VPS13A: variants seen among roughly 807,000 people sequenced by gnomAD.
VPS13A encodes the protein vacuolar protein sorting 13 homolog A.
Under a neutral mutation model 390.9 loss-of-function variants are expected in VPS13A, and 264 were observed. That is an observed-to-expected ratio of 0.68 (90% CI 0.61 to 0.75). The LOEUF (loss-of-function observed/expected upper bound fraction) is 0.75. Among genes scored for constraint, VPS13A ranks in the 30% least tolerant of loss-of-function variants. The pLI is 0.00. For missense variants in VPS13A, 3,409 were observed against 3,733.9 expected (o/e 0.91, Z 2.27); for synonymous variants, 1,231 against 1,227.1 (o/e 1.00, Z -0.07).
rs113876104 is a variant in VPS13A at position 77,271,253 on chromosome 9, A to C, written c.2428-2027A>C. Among the ~76,000 whole-genome samples, 1,202 of 152,332 alleles carry C rather than the reference A, an allele frequency of 7.9e-3. 18 individuals carry two copies. Among genetic ancestry groups the C allele is most frequent in the African/African-American group, 0.027 (1,129 of 41,574 alleles). ...AAATGCAAATCAAAGCCACATAGAAATACTACTACACAATGGTTAGAATGG... is the reference window on the plus strand; with the variant it reads ...AAATGCAAATCAAAGCCACATAGAACTACTACTACACAATGGTTAGAATGG... On this transcript the variant is annotated intron_variant, in intron 23 of 71. Transcript: ENST00000360280.
chr9:77,358,860 A>G (rs1661933001), intron 57 of VPS13A, among the ~76,000 whole-genome samples: 1 of 152,010 alleles, frequency 6.6e-6, no homozygotes, highest in South Asian at 2.1e-4. Flanking sequence ...TGTTTCCTGC[A>G]TATCCCTCTT....
chr9:77,209,415 A>G lies in VPS13A; in HGVS notation c.386-8A>G, dbSNP rs770154538. On this transcript the variant is annotated splice_region_variant and splice_polypyrimidine_tract_variant and intron_variant, in intron 5 of 71. Coordinates refer to ENST00000360280, the MANE Select transcript of VPS13A (RefSeq NM_033305.3). Reference sequence around the variant, plus strand: ...TCAATTTTAAAAAAGGAATATTTGCAATTGTAGAACAACATCTGCCGGAAA... The same window carrying G: ...TCAATTTTAAAAAAGGAATATTTGCGATTGTAGAACAACATCTGCCGGAAA... 1.3e-6 allele frequency: 2 copies of G among 1,586,606 alleles called. No homozygotes were observed. Among genetic ancestry groups the G allele is most frequent in the Non-Finnish European group, 1.7e-6 (2 of 1,156,020 alleles).
chr9:77,326,936 C>G (rs143991331), intron 45 of VPS13A, among the ~76,000 whole-genome samples: 1 of 152,132 alleles, frequency 6.6e-6, no homozygotes, highest in Non-Finnish European at 1.5e-5. Context: ...TCTGTCCGTA[C>G]AGCTCTTGCC....
rs182085600 is a variant in VPS13A at position 77,403,151 on chromosome 9, G to A, written c.9190-85G>A. On this transcript the variant is annotated intron_variant, in intron 68 of 71. Coordinates refer to ENST00000360280, the MANE Select transcript of VPS13A (RefSeq NM_033305.3). ...TAATGGTTTGCCCCATTGAGAAATG[G>A]TTTTTAGAGGACTATAAGGCATTGT... 8.7e-6 allele frequency: 8 copies of A among 921,408 alleles called. No individual in the cohort carries two copies. The Admixed American group carries it at 1.5e-4, about 18-fold the overall frequency. The allele number at this position is 921,408 out of a possible 1,614,324, so 57.1% of individuals were successfully genotyped here. A position where few individuals can be genotyped will look rare whatever the true frequency, so the allele number is the denominator to read the frequency against.
intron 33 of VPS13A, among the ~76,000 whole-genome samples, chr9:77,299,923 G>C (rs1828245874): frequency 6.6e-6 from 1 of 152,068 alleles, no homozygotes; most frequent in Admixed American, 6.5e-5. Context: ...AGCGGGGCCT[G>C]TTGGGGTGGG....
chr9:77,353,474 A>G lies in VPS13A; in HGVS notation c.7485A>G (p.Leu2495=), dbSNP rs761283073. 43 of 1,611,610 alleles carry G rather than the reference A, an allele frequency of 2.7e-5. No individual in the cohort carries two copies. The South Asian group carries it at 4.4e-4, about 16-fold the overall frequency. Residue 2495 remains leucine (L), a synonymous_variant, in exon 54 of 72, where the codon TTA becomes TTG. Transcript: ENST00000360280. The part of the protein sequence containing the change: ...TIYLVSFFEG[L]QRIILFTEDP... ...ATTTAGTTTCATTCTTTGAAGGTTT[A>G]CAACGCATTATTTTATTCACTGAAG...
chr9:77,192,562 C>G (rs1429654301), intron 1 of VPS13A, among the ~76,000 whole-genome samples: 1 of 152,070 alleles, frequency 6.6e-6, no homozygotes, highest in East Asian at 1.9e-4. Flanking sequence ...TTAGCATTTA[C>G]TTGTCTGAAA....
intron 26 of VPS13A, chr9:77,279,877 TA>T (rs1826911012): frequency 4.4e-6 from 1 of 227,016 alleles, no homozygotes; most frequent in East Asian, 1.1e-4. Flanking sequence ...AGTTTCTCTT[TA>T]GTTGATTCCT....
chr9:77,402,321 T>C (rs1023538908), intron 68 of VPS13A, among the ~76,000 whole-genome samples: 15 of 152,352 alleles, frequency 9.8e-5, no homozygotes, highest in Admixed American at 9.2e-4. Flanking sequence ...ATGAAGTCAC[T>C]TCTTAGCTTT....
At chr9:77,223,333 A>G (rs1025393361) in intron 13 of VPS13A, among the ~76,000 whole-genome samples, 1 of 152,148 alleles carries the variant, frequency 6.6e-6, no homozygotes, top group Non-Finnish European at 1.5e-5. Flanking sequence ...AATATAAGGA[A>G]GAATCATACG....
chr9:77,345,490 TA>T (rs1390568434), intron 52 of VPS13A, among the ~76,000 whole-genome samples: 1 of 152,192 alleles, frequency 6.6e-6, no homozygotes, highest in Non-Finnish European at 1.5e-5. Flanking sequence ...TGTAAATATG[TA>T]AAATTTCAGA....
At position 77,293,524 on chromosome 9, in the gene VPS13A, AATT is replaced by A. The variant is rs1233287633; in HGVS notation, c.3507+23_3507+25del. 3.6e-5 allele frequency: 49 copies of A among 1,359,058 alleles called. No homozygotes were observed. Among genetic ancestry groups the A allele is most frequent in the Non-Finnish European group, 4.6e-5 (47 of 1,022,034 alleles). 84.2% of individuals were successfully genotyped at this position (1,359,058 alleles called of 1,614,324 possible). On this transcript the variant is annotated intron_variant, in intron 32 of 71. Coordinates refer to ENST00000360280, the MANE Select transcript of VPS13A (RefSeq NM_033305.3). ...TTCTATATTGGTAAGTATTTTATTA[AATT>A]ATTATTTATTTTATACTAATTGGAA...
At chr9:77,227,983 G>T in intron 16 of VPS13A, 139 bp from the exon 17 acceptor site, 2 of 572,648 alleles carry the variant, frequency 3.5e-6, no homozygotes, top group Non-Finnish European at 5.4e-6. Flanking sequence ...TCTTTTTTTG[G>T]GGTCAATGTG....
chr9:77,388,035 C>T (rs1196283170), intron 68 of VPS13A, among the ~76,000 whole-genome samples: 1 of 152,138 alleles, frequency 6.6e-6, no homozygotes, highest in Admixed American at 6.6e-5. Context: ...TGCGTATTTT[C>T]TACTGCATCT....
intron 60 of VPS13A, 44 bp from the exon 61 acceptor site, chr9:77,366,683 T>C (rs1832448514): frequency 1.3e-6 from 2 of 1,519,498 alleles, no homozygotes; most frequent in Admixed American, 3.6e-5. Context: ...AAATTGTCAA[T>C]ATGAAGAAAA....
intron 17 of VPS13A, among the ~76,000 whole-genome samples, chr9:77,228,964 A>G (rs1450221807): frequency 1.3e-5 from 2 of 152,178 alleles, no homozygotes; most frequent in Non-Finnish European, 2.9e-5. Flanking sequence ...ATTATCTCCC[A>G]CCAGGTCCCT....
At position 77,177,573 on chromosome 9, in the gene VPS13A, G is replaced by A; in HGVS notation, c.-132G>A. On this transcript the variant is annotated 5_prime_UTR_variant, in exon 1 of 72. Transcript: ENST00000360280. Reference sequence around the variant, plus strand: ...CTGGGCTCGCTAGGGCTGCGCGTTGGGCCAGCGGGGGCGCCGCAGCTGAAG... The same window carrying A: ...CTGGGCTCGCTAGGGCTGCGCGTTGAGCCAGCGGGGGCGCCGCAGCTGAAG... 1 of 794,064 alleles carries A rather than the reference G, an allele frequency of 1.3e-6. No homozygotes were observed. The highest frequency in any genetic ancestry group is 2.1e-6 in the Non-Finnish European group (1 of 475,046). 49.2% of individuals were successfully genotyped at this position (794,064 alleles called of 1,614,324 possible).
Position 77,340,467 on chromosome 9 carries a change from T to C in VPS13A, c.6943T>C (p.Tyr2315His). Residue 2315 changes from tyrosine to histidine, a missense_variant, in exon 50 of 72, where the codon TAT (tyrosine) becomes CAT (histidine). Physicochemically the swap from Tyr to His is moderately conservative, Grantham distance 83. Around this residue, in one of 5 missense-constraint regions of VPS13A, gnomAD observed 2,717 missense variants for 2,917.4 expected, o/e 0.93. Coordinates refer to ENST00000360280, the MANE Select transcript of VPS13A (RefSeq NM_033305.3). Reference protein sequence around the residue: ...ITRIVTFTPFYMIKNKSKYHI... With the variant: ...ITRIVTFTPFHMIKNKSKYHI... ...TAGAATTGTGACATTTACCCCTTTT[T>C]ATATGATTAAAAACAAAAGCAAATA... 6.2e-7 allele frequency: 1 copy of C among 1,613,538 alleles called. No individual in the cohort carries two copies. The highest frequency in any genetic ancestry group is 8.5e-7 in the Non-Finnish European group (1 of 1,179,696).
In VPS13A at chr9:77,210,554, A is replaced by G. The variant is rs142041147; in HGVS notation, c.496-62A>G. On this transcript the variant is annotated intron_variant, in intron 6 of 71. Coordinates refer to ENST00000360280, the MANE Select transcript of VPS13A (RefSeq NM_033305.3). The stretch of plus-strand genomic sequence containing the variant: ...CCGCTGCACATTGACAGTTTTTTCT[A>G]TAAAGTGGATTTTATCCAACTACTA... 307 of 1,539,230 alleles carry G rather than the reference A, an allele frequency of 2.0e-4. 1 individual carries two copies. In the East Asian group the frequency reaches 6.3e-3, roughly 32 times the overall value.
Sources: allele counts gnomAD v4.1 joint callset (sites outside exome capture counted in the v4.1 genomes callset), GRCh38; gene constraint gnomAD v4.1.1; regional missense constraint gnomAD v4.1.1; transcripts MANE v1.5; gene names NCBI Gene and HGNC (gene_info 2026-07-23, HGNC 2026-07-21).